The following AGBL1 variants were observed in gnomAD, a reference collection of about 807,000 sequenced individuals.
The protein encoded by AGBL1 is cytosolic carboxypeptidase 4.
In AGBL1, 130 loss-of-function variants were observed where a neutral mutation model predicts 118.9. The observed-to-expected ratio is 1.09, with a 90% CI of 0.95 to 1.26. The LOEUF is 1.26. Among genes scored for constraint, AGBL1 ranks in the 50% most tolerant of loss-of-function variants. The pLI is 0.00. For synonymous variants in AGBL1, 555 were observed against 478.9 expected (o/e 1.16, Z -2.08); for missense variants, 1,584 against 1,298.1 (o/e 1.22, Z -3.38).
At chr15:86,972,732 T>A (rs1416252041) in intron 23 of AGBL1, among the ~76,000 whole-genome samples, 1 of 152,076 alleles carries the variant, frequency 6.6e-6, no homozygotes, top group Non-Finnish European at 1.5e-5. Context: ...GCATGCATGC[T>A]AATGTGGCCA....
chr15:86,489,449 C>T (rs2082752254), intron 18 of AGBL1, among the ~76,000 whole-genome samples: 2 of 152,106 alleles, frequency 1.3e-5, no homozygotes, highest in African/African-American at 4.8e-5. Flanking sequence ...TTTTTTCCTG[C>T]ACTTCTGTCA....
rs143130536 is a variant in AGBL1, at chr15:86,570,348, A to C, written c.2994+15811A>C. ...GAGTCAGAAAATAGGGGAAGTACAGAGATTTATTGCAAAGTGAAAGGTACA... is the reference window on the plus strand; with the variant it reads ...GAGTCAGAAAATAGGGGAAGTACAGCGATTTATTGCAAAGTGAAAGGTACA... On this transcript the variant is annotated intron_variant, in intron 21 of 22. Transcript: ENST00000614907. Among the ~76,000 whole-genome samples the C allele has an allele frequency of 1.7e-3, 262 of 152,330 alleles. 1 individual carries two copies. Among genetic ancestry groups the C allele is most frequent in the Non-Finnish European group, 2.6e-3 (179 of 68,040 alleles).
chr15:86,441,283 G>A (rs2082061590), intron 18 of AGBL1, among the ~76,000 whole-genome samples: 1 of 152,054 alleles, frequency 6.6e-6, no homozygotes, highest in Admixed American at 6.5e-5. Context: ...AGTGAAGTCC[G>A]AATCTTACTT....
At chr15:86,279,557 A>T in intron 15 of AGBL1, 82 bp from the exon 16 acceptor site, 1 of 1,363,984 alleles carries the variant, frequency 7.3e-7, no homozygotes, top group African/African-American at 1.4e-5. Flanking sequence ...CACAAGATTT[A>T]TAGCATCTAG....
At chr15:86,149,144 A>G (rs899275528) in intron 3 of AGBL1, among the ~76,000 whole-genome samples, 4 of 152,302 alleles carry the variant, frequency 2.6e-5, no homozygotes, top group Admixed American at 2.6e-4. Context: ...ACATGGAAAG[A>G]AACAACCACT....
intron 22 of AGBL1, among the ~76,000 whole-genome samples, chr15:86,778,278 T>G (rs181724219): frequency 8.1e-4 from 124 of 152,148 alleles, no homozygotes; most frequent in African/African-American, 2.9e-3. Flanking sequence ...GGGGGCAAAA[T>G]TAAAATTGCT....
intron 18 of AGBL1, among the ~76,000 whole-genome samples, chr15:86,497,815 C>G (rs2082872367): frequency 1.3e-5 from 2 of 151,908 alleles, no homozygotes; most frequent in East Asian, 1.9e-4. Context: ...ATGTAAATTG[C>G]CTTGCTTCCT....
intron 22 of AGBL1, among the ~76,000 whole-genome samples, chr15:86,708,849 C>G (rs1405406744): frequency 1.3e-5 from 2 of 152,050 alleles, no homozygotes; most frequent in African/African-American, 4.8e-5. Flanking sequence ...CTATAGCTAC[C>G]CAGCACTCTT....
At chr15:86,902,755 G>A (rs2080228370) in intron 22 of AGBL1, among the ~76,000 whole-genome samples, 1 of 152,074 alleles carries the variant, frequency 6.6e-6, no homozygotes, top group African/African-American at 2.4e-5. Context: ...TATGGTTTCT[G>A]ATGAGAACTT....
At chr15:86,964,031 C>CTCTCTCTCTCTCTGTG (rs1183866210) in intron 23 of AGBL1, among the ~76,000 whole-genome samples, 12 of 146,196 alleles carry the variant, frequency 8.2e-5, no homozygotes, top group South Asian at 2.2e-4. Context: ...CTCTCTCTCT[C>CTCTCTCTCTCTCTGTG]TGTGTGTGTG....
intron 1 of AGBL1, 61 bp from the exon 2 acceptor site, chr15:86,141,943 C>T: frequency 2.0e-6 from 3 of 1,489,344 alleles, no homozygotes; most frequent in Admixed American, 4.0e-5. Flanking sequence ...ATGTACATCC[C>T]TGATCATCCA....
intron 21 of AGBL1, among the ~76,000 whole-genome samples, chr15:86,560,435 C>A (rs2083800538): frequency 6.6e-6 from 1 of 152,080 alleles, no homozygotes; most frequent in Non-Finnish European, 1.5e-5. Flanking sequence ...TGATGGTTTC[C>A]AGCTTCATCC....
chr15:86,548,571 C>T (rs2083618288), intron 20 of AGBL1, among the ~76,000 whole-genome samples: 1 of 151,906 alleles, frequency 6.6e-6, no homozygotes, highest in Non-Finnish European at 1.5e-5. Flanking sequence ...CTGTAACCTT[C>T]TTGACTGGGG....
intron 21 of AGBL1, among the ~76,000 whole-genome samples, chr15:86,581,501 G>A (rs74026909): frequency 1.0e-3 from 157 of 152,184 alleles, no homozygotes; most frequent in African/African-American, 3.7e-3. Context: ...CCTAAAAGAG[G>A]CCATTGCAAA....
intron 18 of AGBL1, among the ~76,000 whole-genome samples, chr15:86,431,366 C>T (rs1464610186): frequency 6.6e-6 from 1 of 152,166 alleles, no homozygotes; most frequent in Non-Finnish European, 1.5e-5. Context: ...AATCTTTAAC[C>T]TATACACGTG....
Position 86,422,568 on chromosome 15 carries a change from C to T in AGBL1, c.2555+25022C>T, listed in dbSNP as rs187707360. ...AAGCAAGAGCAAACAAATTCAAAAG[C>T]TAGCAGAAAACGAGAAAATACTTAG... On this transcript the variant is annotated intron_variant, in intron 18 of 22. Transcript: ENST00000614907. 1.5e-3 allele frequency among the ~76,000 whole-genome samples: 225 copies of T among 152,140 alleles called. 1 individual carries two copies. Among genetic ancestry groups the T allele is most frequent in the African/African-American group, 5.2e-3 (218 of 41,524 alleles).
At chr15:86,423,414 T>C (rs114408713) in intron 18 of AGBL1, among the ~76,000 whole-genome samples, 2,654 of 151,024 alleles carry the variant, frequency 0.018, 69 homozygotes, top group African/African-American at 0.061. Flanking sequence ...TAGGTGCTGA[T>C]GGAACGTATC....
intron 22 of AGBL1, among the ~76,000 whole-genome samples, chr15:86,823,310 T>C (rs2141392993): frequency 6.6e-6 from 1 of 152,252 alleles, no homozygotes; most frequent in East Asian, 1.9e-4. Context: ...TGGACGAATA[T>C]GTCTGAGAAT....
At chr15:86,138,857 C>G (rs1259937843) in intron 1 of AGBL1, among the ~76,000 whole-genome samples, 1 of 152,186 alleles carries the variant, frequency 6.6e-6, no homozygotes, top group Non-Finnish European at 1.5e-5. Context: ...ACAGGTCTAT[C>G]CAGAAATGTC....
Sources: allele counts gnomAD v4.1 joint callset (sites outside exome capture counted in the v4.1 genomes callset), GRCh38; gene constraint gnomAD v4.1.1; transcripts MANE v1.5; gene names NCBI Gene and HGNC (gene_info 2026-07-23, HGNC 2026-07-21).